The following EPHA7 variants were observed in gnomAD, a reference collection of about 807,000 sequenced individuals.
The protein encoded by EPHA7 is EPH receptor A7, also known as ephrin type-A receptor 7.
A neutral mutation model predicts 112.6 loss-of-function variants in EPHA7; 25 were observed. That is an observed-to-expected ratio of 0.22 (90% CI 0.16 to 0.31). The LOEUF (loss-of-function observed/expected upper bound fraction) is 0.31. Ranked by LOEUF, EPHA7 falls within the 10% of genes least tolerant of loss-of-function variation. The probability of loss-of-function intolerance (pLI) is 1.00; values close to 1 mark genes in which losing one functional copy is unlikely to be tolerated. For synonymous variants in EPHA7, 437 were observed against 406.5 expected, an observed-to-expected ratio of 1.07 and a Z score of -0.90; for missense variants, 962 against 1,212.6, an observed-to-expected ratio of 0.79 and a Z score of 3.07.
chr6:93,378,557 T>A (rs1342062517), intron 3 of EPHA7, among the ~76,000 whole-genome samples: 1 of 152,124 alleles, frequency 6.6e-6, no homozygotes, highest in East Asian at 1.9e-4. Flanking sequence ...TCTACTCTTA[T>A]ACTTTTCACT....
At chr6:93,292,688 T>A (rs1179195864) in intron 5 of EPHA7, among the ~76,000 whole-genome samples, 1 of 152,184 alleles carries the variant, frequency 6.6e-6, no homozygotes, top group Non-Finnish European at 1.5e-5. Context: ...TACTTTACAC[T>A]AACAATAACC....
At chr6:93,332,496 AT>A (rs1774645392) in intron 5 of EPHA7, among the ~76,000 whole-genome samples, 1 of 151,598 alleles carries the variant, frequency 6.6e-6, no homozygotes, top group African/African-American at 2.4e-5. Context: ...AGTGGCTTAT[AT>A]ATTTTTATAT....
Position 93,337,688 on chromosome 6 carries a change from C to T in EPHA7, c.1324+19029G>A, listed in dbSNP as rs369259551. 2.6e-5 allele frequency among the ~76,000 whole-genome samples: 4 copies of T among 152,086 alleles called. No homozygotes were observed. In the East Asian group the frequency reaches 7.7e-4, roughly 29 times the overall value. ...AAACAGTAGAGTATCACAGACAAGC[C>T]TGTTGTTCTCACCACTGATCTCAAA... On this transcript the variant is annotated intron_variant, in intron 5 of 16. Transcript: ENST00000369303.
At chr6:93,286,167 C>A (rs533224777) in intron 5 of EPHA7, among the ~76,000 whole-genome samples, 1 of 151,478 alleles carries the variant, frequency 6.6e-6, no homozygotes, top group Admixed American at 6.6e-5. Context: ...CACACACACC[C>A]TACACACACA....
At chr6:93,378,325 G>T (rs1582628965) in intron 3 of EPHA7, among the ~76,000 whole-genome samples, 1 of 152,194 alleles carries the variant, frequency 6.6e-6, no homozygotes, top group Non-Finnish European at 1.5e-5. Flanking sequence ...GATTTTAAAA[G>T]ATAGTGTTAT....
chr6:93,350,277 T>C (rs995076712), intron 5 of EPHA7, among the ~76,000 whole-genome samples: 1 of 151,990 alleles, frequency 6.6e-6, no homozygotes, highest in Non-Finnish European at 1.5e-5. Context: ...ACAGCTCTTA[T>C]CACTGACCAT....
intron 5 of EPHA7, among the ~76,000 whole-genome samples, chr6:93,314,862 T>C (rs914407473): frequency 7.9e-5 from 11 of 139,042 alleles, no homozygotes; most frequent in Admixed American, 1.4e-4. Flanking sequence ...AATTTTCTTT[T>C]TTTTTTTTTT....
intron 3 of EPHA7, among the ~76,000 whole-genome samples, chr6:93,404,976 C>T (rs1778624638): frequency 6.6e-6 from 1 of 151,670 alleles, no homozygotes; most frequent in Admixed American, 6.6e-5. Flanking sequence ...ATTTAAAAAC[C>T]CATATTTTGG....
At chr6:93,293,821 T>C (rs550793397) in intron 5 of EPHA7, among the ~76,000 whole-genome samples, 91 of 152,334 alleles carry the variant, frequency 6.0e-4, no homozygotes, top group African/African-American at 2.1e-3. Context: ...GGTTCCTTTG[T>C]CTTGTCTTTG....
At chr6:93,252,470 T>C (rs1365957007) in intron 14 of EPHA7, among the ~76,000 whole-genome samples, 1 of 151,908 alleles carries the variant, frequency 6.6e-6, no homozygotes, top group East Asian at 1.9e-4. Flanking sequence ...CACAGCAGTT[T>C]CCACATGTAT....
At chr6:93,324,005 C>T (rs1281743748) in intron 5 of EPHA7, among the ~76,000 whole-genome samples, 1 of 151,378 alleles carries the variant, frequency 6.6e-6, no homozygotes, top group Non-Finnish European at 1.5e-5. Context: ...GTCTGCTTTC[C>T]GTTGCCAGAA....
At chr6:93,386,159 C>A (rs894113041) in intron 3 of EPHA7, among the ~76,000 whole-genome samples, 1 of 152,152 alleles carries the variant, frequency 6.6e-6, no homozygotes, top group Non-Finnish European at 1.5e-5. Flanking sequence ...CCCAACAGTT[C>A]CCCAAAGACT....
intron 5 of EPHA7, among the ~76,000 whole-genome samples, chr6:93,314,764 C>T (rs164291): frequency 0.62 from 93,927 of 151,588 alleles, 29,344 homozygotes; most frequent in African/African-American, 0.72. Context: ...ATAAATATTT[C>T]AATGATGCTT....
At chr6:93,348,765 T>C (rs974389922) in intron 5 of EPHA7, among the ~76,000 whole-genome samples, 6 of 151,876 alleles carry the variant, frequency 4.0e-5, no homozygotes, top group Non-Finnish European at 8.8e-5. Context: ...TCTAAGAAAT[T>C]TTCTTTGCAT....
chr6:93,245,907 C>A (rs2127845966), intron 15 of EPHA7, among the ~76,000 whole-genome samples: 1 of 152,240 alleles, frequency 6.6e-6, no homozygotes, highest in African/African-American at 2.4e-5. Flanking sequence ...AACTTACTAC[C>A]AATGTAAACC....
chr6:93,292,369 C>T, intron 5 of EPHA7, among the ~76,000 whole-genome samples: 1 of 152,110 alleles, frequency 6.6e-6, no homozygotes, highest in Non-Finnish European at 1.5e-5. Context: ...TAATTTTACC[C>T]TAGTATTTTA....
chr6:93,244,797 G>A (rs898149772), intron 16 of EPHA7, among the ~76,000 whole-genome samples: 5 of 152,012 alleles, frequency 3.3e-5, no homozygotes, highest in East Asian at 1.9e-4. Flanking sequence ...CATATTGGAC[G>A]TTCTAATGCA....
At chr6:93,380,467 T>C (rs1447131875) in intron 3 of EPHA7, among the ~76,000 whole-genome samples, 1 of 152,062 alleles carries the variant, frequency 6.6e-6, no homozygotes, top group Non-Finnish European at 1.5e-5. Context: ...GAGAAAGAAA[T>C]ATCCATTAGT....
At chr6:93,388,327 C>T (rs983792822) in intron 3 of EPHA7, among the ~76,000 whole-genome samples, 6 of 152,082 alleles carry the variant, frequency 3.9e-5, no homozygotes, top group Non-Finnish European at 8.8e-5. Flanking sequence ...AGTCAAAAGG[C>T]ATTTTCTCAC....
Sources: gnomAD v4.1 joint callset for allele counts (sites outside exome capture counted in the v4.1 genomes callset) on GRCh38, gnomAD v4.1.1 for gene constraint, MANE v1.5 for transcripts, NCBI Gene and HGNC (gene_info 2026-07-23, HGNC 2026-07-21) for gene names.